SOX5: variants seen among roughly 807,000 people sequenced by gnomAD.
SOX5 encodes the protein SRY-box transcription factor 5.
A neutral mutation model predicts 92.0 loss-of-function variants in SOX5; 9 were observed. The observed-to-expected ratio is 0.10, with a 90% CI of 0.06 to 0.17. The LOEUF is 0.17. Ranked by LOEUF, SOX5 falls within the 10% of genes least tolerant of loss-of-function variation. The pLI is 1.00. For missense variants in SOX5, 642 were observed against 944.5 expected, an observed-to-expected ratio of 0.68 and a Z score of 4.20; for synonymous variants, 344 against 336.3, an observed-to-expected ratio of 1.02 and a Z score of -0.25.
At chr12:23,938,648 A>G (rs1943072044) in intron 1 of SOX5, among the ~76,000 whole-genome samples, 1 of 151,002 alleles carries the variant, frequency 6.6e-6, no homozygotes, top group Non-Finnish European at 1.5e-5. Flanking sequence ...CAAATACTTA[A>G]TATACTGATA....
intron 4 of SOX5, among the ~76,000 whole-genome samples, chr12:24,116,455 A>G (rs1948010506): frequency 6.6e-6 from 1 of 152,186 alleles, no homozygotes; most frequent in African/African-American, 2.4e-5. Context: ...TTAATGTTAT[A>G]TGCAAATATT....
chr12:23,969,150 C>T (rs755896400), intron 4 of SOX5, among the ~76,000 whole-genome samples: 5 of 152,120 alleles, frequency 3.3e-5, no homozygotes, highest in South Asian at 2.1e-4. Context: ...CCTCACCATC[C>T]CAAATCTATT....
intron 3 of SOX5, among the ~76,000 whole-genome samples, chr12:24,265,171 T>C (rs893859023): frequency 3.3e-5 from 5 of 152,218 alleles, no homozygotes; most frequent in African/African-American, 1.2e-4. Flanking sequence ...TTCCTCTAGA[T>C]TTTCTCTAAT....
intron 1 of SOX5, among the ~76,000 whole-genome samples, chr12:24,468,390 C>T (rs1472556892): frequency 6.6e-6 from 1 of 151,872 alleles, no homozygotes; most frequent in African/African-American, 2.4e-5. Flanking sequence ...AGTTCATGTA[C>T]AGCATGTAAA....
chr12:24,471,465 C>T (rs1944815674), intron 1 of SOX5, among the ~76,000 whole-genome samples: 1 of 152,132 alleles, frequency 6.6e-6, no homozygotes. Flanking sequence ...CACCATTATC[C>T]TGAGCATTAA....
At chr12:23,671,068 C>A (rs1206614050) in intron 6 of SOX5, among the ~76,000 whole-genome samples, 1 of 151,912 alleles carries the variant, frequency 6.6e-6, no homozygotes, top group Non-Finnish European at 1.5e-5. Flanking sequence ...GGGTGAGAGG[C>A]CTGGATGGCA....
At position 23,949,664 on chromosome 12, in the gene SOX5, G is replaced by A. The variant is rs1945219137; in HGVS notation, c.-63C>T. On this transcript the variant is annotated 5_prime_UTR_variant, in exon 1 of 15. Coordinates refer to ENST00000451604, the MANE Select transcript of SOX5 (RefSeq NM_006940.6). ...CCTATGATCGTCTCCAACTGAACCT[G>A]TCAAGTGAGTCCAAACCTTCTAAAC... 9 of 1,612,400 alleles carry A rather than the reference G, an allele frequency of 5.6e-6. No individual in the cohort carries two copies. Among genetic ancestry groups the A allele is most frequent in the Non-Finnish European group, 7.6e-6 (9 of 1,179,358 alleles).
In SOX5 at chr12:24,286,236, T is replaced by C. The variant is rs145481944; in HGVS notation, c.-173-8924A>G. Among the ~76,000 whole-genome samples, 10 of 152,290 alleles carry C rather than the reference T, an allele frequency of 6.6e-5. No homozygotes were observed. In the East Asian group the frequency reaches 1.9e-3, roughly 29 times the overall value. ...AATAATTGTAGTGTCCAATCAAATG[T>C]AGGTAAAACTAACACCAATGGTAAG... On this transcript the variant is annotated intron_variant, in intron 2 of 4. Transcript: ENST00000446891.
chr12:24,162,280 C>A (rs1952842524), intron 4 of SOX5, among the ~76,000 whole-genome samples: 1 of 152,034 alleles, frequency 6.6e-6, no homozygotes, highest in Non-Finnish European at 1.5e-5. Context: ...TAATGATAAA[C>A]AAAGGTTGAG....
At chr12:24,374,082 G>A (rs951941129) in intron 1 of SOX5, among the ~76,000 whole-genome samples, 1 of 152,204 alleles carries the variant, frequency 6.6e-6, no homozygotes, top group East Asian at 1.9e-4. Flanking sequence ...CACACACCTA[G>A]GGAGGAAGAA....
chr12:23,710,002 A>G (rs2091877707), intron 6 of SOX5, among the ~76,000 whole-genome samples: 1 of 152,188 alleles, frequency 6.6e-6, no homozygotes, highest in Non-Finnish European at 1.5e-5. Flanking sequence ...CTCTTATCAC[A>G]TCAAGACCTA....
At chr12:23,564,689 A>C (rs552295652) in intron 10 of SOX5, among the ~76,000 whole-genome samples, 153 of 152,340 alleles carry the variant, frequency 1.0e-3, no homozygotes, top group Non-Finnish European at 1.8e-3. Context: ...CACTAAGATT[A>C]AAGAAAGGAA....
At chr12:23,990,604 C>T (rs1950475085) in intron 4 of SOX5, among the ~76,000 whole-genome samples, 2 of 152,106 alleles carry the variant, frequency 1.3e-5, no homozygotes, top group Non-Finnish European at 2.9e-5. Context: ...TTGTTTCATG[C>T]CAAGAAAGAA....
intron 1 of SOX5, among the ~76,000 whole-genome samples, chr12:24,397,585 T>C (rs961957727): frequency 3.9e-5 from 6 of 152,088 alleles, no homozygotes; most frequent in Admixed American, 3.9e-4. Flanking sequence ...TATATGTGTA[T>C]TGTAGAGGGG....
intron 3 of SOX5, among the ~76,000 whole-genome samples, chr12:24,234,450 T>G (rs1158805211): frequency 6.6e-6 from 1 of 152,204 alleles, no homozygotes; most frequent in African/African-American, 2.4e-5. Flanking sequence ...CAATCTCGGT[T>G]CACTGCAACC....
At chr12:24,385,124 G>A (rs1958247119) in intron 1 of SOX5, among the ~76,000 whole-genome samples, 2 of 152,152 alleles carry the variant, frequency 1.3e-5, no homozygotes, top group South Asian at 4.2e-4. Flanking sequence ...CTCTTATTGT[G>A]CCTAATTTCT....
intron 1 of SOX5, among the ~76,000 whole-genome samples, chr12:24,504,065 C>G (rs1566329187): frequency 6.6e-6 from 1 of 152,124 alleles, no homozygotes; most frequent in Non-Finnish European, 1.5e-5. Context: ...AAATGTTTTA[C>G]TTTCTGCAAC....
chr12:24,418,332 C>T (rs1965371514), intron 1 of SOX5, among the ~76,000 whole-genome samples: 1 of 152,202 alleles, frequency 6.6e-6, no homozygotes, highest in African/African-American at 2.4e-5. Flanking sequence ...ATGGTAATCC[C>T]ATCCTCCTTG....
rs532964472 is a variant in SOX5 at position 24,082,112 on chromosome 12, C to A, written c.-2+131231G>T. Among the ~76,000 whole-genome samples, 17 of 151,910 alleles carry A rather than the reference C, an allele frequency of 1.1e-4. No individual in the cohort carries two copies. In the East Asian group the frequency reaches 3.3e-3, roughly 29 times the overall value. On this transcript the variant is annotated intron_variant, in intron 4 of 4. Transcript: ENST00000446891. The stretch of plus-strand genomic sequence containing the variant: ...ACTTGCTATTTTCGAGCATGTGTAA[C>A]AAAGCAGAGACTAAATGCAGAATTA...
Sources: gnomAD v4.1 joint callset for allele counts (sites outside exome capture counted in the v4.1 genomes callset) on GRCh38, gnomAD v4.1.1 for gene constraint, MANE v1.5 for transcripts, NCBI Gene and HGNC (gene_info 2026-07-23, HGNC 2026-07-21) for gene names.